OCIAD1: variants seen among roughly 807,000 people sequenced by gnomAD.
OCIAD1 encodes OCIA domain containing 1, also known as OCIA domain-containing protein 1.
A neutral mutation model predicts 38.9 loss-of-function variants in OCIAD1; 29 were observed. The observed-to-expected ratio is 0.74, with a 90% confidence interval of 0.55 to 1.02. OCIAD1 has a LOEUF of 1.02. Among genes scored for constraint, OCIAD1 ranks in the 50% least tolerant of loss-of-function variants. The pLI, the probability that OCIAD1 is intolerant of heterozygous loss-of-function variation, is 0.00. For synonymous variants in OCIAD1, 110 were observed against 92.0 expected, an observed-to-expected ratio of 1.20 and a Z score of -1.12; for missense variants, 288 against 289.6, an observed-to-expected ratio of 0.99 and a Z score of 0.04.
chr4:48,859,473 A>T (rs1780408970), intron 8 of OCIAD1, among the ~76,000 whole-genome samples: 1 of 152,184 alleles, frequency 6.6e-6, no homozygotes, highest in Non-Finnish European at 1.5e-5. Flanking sequence ...ACACTGTATC[A>T]GAAATTGAGT....
At chr4:48,807,422 A>G (rs184516545) in intron 1 of OCIAD1, among the ~76,000 whole-genome samples, 1 of 152,250 alleles carries the variant, frequency 6.6e-6, no homozygotes, top group Admixed American at 6.5e-5. Context: ...AGTAAATTAC[A>G]TGCCGCCCTT....
intron 7 of OCIAD1, 113 bp downstream of exon 7, chr4:48,852,088 C>A: frequency 2.7e-6 from 2 of 753,150 alleles, no homozygotes; most frequent in Non-Finnish European, 4.2e-6. Flanking sequence ...CATCAATCAT[C>A]AACCTAAACT....
chr4:48,810,163 G>A (rs1037239473), intron 1 of OCIAD1, among the ~76,000 whole-genome samples: 2 of 152,088 alleles, frequency 1.3e-5, no homozygotes, highest in African/African-American at 2.4e-5. Context: ...TTTAGGAGCA[G>A]AGTGCGTTAG....
At chr4:48,851,416 G>A (rs1298041552) in intron 6 of OCIAD1, among the ~76,000 whole-genome samples, 3 of 152,154 alleles carry the variant, frequency 2.0e-5, no homozygotes, top group Non-Finnish European at 4.4e-5. Context: ...GGCCAGACGC[G>A]GTGGCTCATG....
At chr4:48,819,716 C>CAAAAAAA (rs576081813) in intron 1 of OCIAD1, among the ~76,000 whole-genome samples, 584 of 10,456 alleles carry the variant, frequency 0.056, 193 homozygotes, top group Admixed American at 0.14. Context: ...TTACCAAGCG[C>CAAAAAAA]AAAAAAAAAA....
intron 5 of OCIAD1, 48 bp downstream of exon 5, chr4:48,848,494 T>C: frequency 1.1e-6 from 1 of 905,694 alleles, no homozygotes; most frequent in Non-Finnish European, 1.7e-6. Context: ...AAAACTTAAA[T>C]AAAATTATTT....
At chr4:48,832,556 T>C (rs2304387) in intron 1 of OCIAD1, 64 bp from the exon 2 acceptor site, 30,032 of 1,204,730 alleles carry the variant, frequency 0.025, 443 homozygotes, top group Non-Finnish European at 0.028. Flanking sequence ...ATCATACGTC[T>C]TGATTTACTT....
At chr4:48,835,871 G>A (rs1201027058) in intron 3 of OCIAD1, among the ~76,000 whole-genome samples, 1 of 152,208 alleles carries the variant, frequency 6.6e-6, no homozygotes, top group Non-Finnish European at 1.5e-5. Flanking sequence ...AAGTAGATAA[G>A]TGAAGAGGAA....
At chr4:48,854,956 AT>A (rs1165706765) in intron 7 of OCIAD1, among the ~76,000 whole-genome samples, 2 of 152,166 alleles carry the variant, frequency 1.3e-5, no homozygotes, top group African/African-American at 4.8e-5. Context: ...GCCACTTTAC[AT>A]TTTTTTATTC....
upstream of OCIAD1, among the ~76,000 whole-genome samples, chr4:48,827,501 C>T (rs879263395): frequency 3.3e-5 from 5 of 152,204 alleles, no homozygotes; most frequent in East Asian, 3.8e-4. Context: ...AAATGTGTAT[C>T]GACTTCCCGC....
At chr4:48,825,538 A>G (rs1777241493) in intron 1 of OCIAD1, among the ~76,000 whole-genome samples, 1 of 152,180 alleles carries the variant, frequency 6.6e-6, no homozygotes, top group African/African-American at 2.4e-5. Flanking sequence ...GGTACATAGG[A>G]ATACCATTAG....
Position 48,833,491 on chromosome 4 carries a change from A to G in OCIAD1, c.139+10A>G, listed in dbSNP as rs1297383569. ...AGCTTCTGGTTCAGATGTGAGTTCAATTTTCTAATTAATATAATTTGATCC... is the reference window on the plus strand; with the variant it reads ...AGCTTCTGGTTCAGATGTGAGTTCAGTTTTCTAATTAATATAATTTGATCC... On this transcript the variant is annotated intron_variant, in intron 3 of 8. Coordinates refer to ENST00000264312, the MANE Select transcript of OCIAD1 (RefSeq NM_017830.4). 10 of 1,503,158 alleles carry G rather than the reference A, an allele frequency of 6.7e-6. No homozygotes were observed. Among genetic ancestry groups the G allele is most frequent in the South Asian group, 4.7e-5 (4 of 84,546 alleles). The allele number at this position is 1,503,158 out of a possible 1,614,324, so 93.1% of individuals were successfully genotyped here.
At chr4:48,819,241 A>G (rs1434851690) in intron 1 of OCIAD1, among the ~76,000 whole-genome samples, 2 of 152,144 alleles carry the variant, frequency 1.3e-5, no homozygotes, top group African/African-American at 2.4e-5. Context: ...CAGAAACCCT[A>G]CAAGCCAGAA....
intron 8 of OCIAD1, among the ~76,000 whole-genome samples, chr4:48,857,903 C>G (rs189579651): frequency 3.1e-4 from 47 of 152,170 alleles, no homozygotes; most frequent in South Asian, 8.3e-4. Context: ...CCTGAAATCC[C>G]AGCACTTTGG....
chr4:48,839,866 A>G (rs1016478878), intron 3 of OCIAD1, among the ~76,000 whole-genome samples: 9 of 152,198 alleles, frequency 5.9e-5, no homozygotes, highest in African/African-American at 1.7e-4. Flanking sequence ...AACAAAATAG[A>G]TATTACATAC....
At chr4:48,858,764 C>T (rs747493123) in intron 8 of OCIAD1, among the ~76,000 whole-genome samples, 1 of 152,144 alleles carries the variant, frequency 6.6e-6, no homozygotes, top group Admixed American at 6.5e-5. Flanking sequence ...CTTTCTTGTA[C>T]ATTTGTGAAT....
At chr4:48,806,138 GC>G (rs1777021332) in intron 1 of OCIAD1, among the ~76,000 whole-genome samples, 1 of 152,050 alleles carries the variant, frequency 6.6e-6, no homozygotes, top group South Asian at 2.1e-4. Context: ...ACGGTGGCAG[GC>G]GCCTGTAGTC....
chr4:48,808,795 A>G (rs1292876703), intron 1 of OCIAD1, among the ~76,000 whole-genome samples: 6 of 152,200 alleles, frequency 3.9e-5, no homozygotes. Flanking sequence ...AAACTAAGAC[A>G]ATTGTAAACT....
At chr4:48,851,771 CAT>C (rs779251831) in intron 6 of OCIAD1, 33 bp from the exon 7 acceptor site, 2 of 1,252,418 alleles carry the variant, frequency 1.6e-6, no homozygotes, top group South Asian at 1.2e-5. Flanking sequence ...GGCAATGACT[CAT>C]ATTTCTTACT....
Sources: allele counts gnomAD v4.1 joint callset (sites outside exome capture counted in the v4.1 genomes callset), GRCh38; gene constraint gnomAD v4.1.1; transcripts MANE v1.5; gene names NCBI Gene and HGNC (gene_info 2026-07-23, HGNC 2026-07-21).